Variants in ZNF708 observed in about 807,000 individuals in gnomAD.
ZNF708 encodes the protein zinc finger protein 708, also known as ZNF15, ZNF15L1.
Under a neutral mutation model 47.0 loss-of-function variants are expected in ZNF708, and 44 were observed. The ratio of observed to expected loss-of-function variants is 0.94; its 90% CI spans 0.74 to 1.20. The LOEUF (loss-of-function observed/expected upper bound fraction) is 1.20. Ranked by LOEUF, ZNF708 falls within the 50% of genes most tolerant of loss-of-function variation. ZNF708 has a pLI of 0.00. For synonymous variants in ZNF708, 184 were observed against 218.5 expected, an observed-to-expected ratio of 0.84 and a Z score of 1.39; for missense variants, 557 against 656.0, an observed-to-expected ratio of 0.85 and a Z score of 1.65.
At chr19:21,317,759 T>C (rs1973045288) in intron 1 of ZNF708, among the ~76,000 whole-genome samples, 1 of 152,202 alleles carries the variant, frequency 6.6e-6, no homozygotes, top group Admixed American at 6.5e-5. Flanking sequence ...CATACAGAGC[T>C]CATCCTAAAT....
chr19:21,317,741 C>T (rs959795479), intron 1 of ZNF708, among the ~76,000 whole-genome samples: 1 of 152,212 alleles, frequency 6.6e-6, no homozygotes, highest in Non-Finnish European at 1.5e-5. Context: ...GAATTTACAG[C>T]ACCATGTCAT....
At chr19:21,324,998 C>T (rs1056855528) in intron 1 of ZNF708, among the ~76,000 whole-genome samples, 3 of 152,034 alleles carry the variant, frequency 2.0e-5, no homozygotes, top group Admixed American at 6.6e-5. Context: ...CATTCTTAAA[C>T]AGCCTTGAAA....
intron 2 of ZNF708, 116 bp from the exon 3 acceptor site, chr19:21,309,457 C>T: frequency 9.8e-7 from 1 of 1,020,614 alleles, no homozygotes; most frequent in East Asian, 3.9e-5. Flanking sequence ...CTGGTAATCC[C>T]AGCACTCTGA....
At chr19:21,327,589 C>T (rs8109918) in intron 1 of ZNF708, among the ~76,000 whole-genome samples, 1 of 151,874 alleles carries the variant, frequency 6.6e-6, no homozygotes, top group Non-Finnish European at 1.5e-5. Flanking sequence ...TATTCACCCA[C>T]CCCATTCTGC....
At position 21,292,945 on chromosome 19, in the gene ZNF708, G is replaced by A. The variant is rs544370999; in HGVS notation, c.*329C>T. On this transcript the variant is annotated 3_prime_UTR_variant, in exon 4 of 4. Coordinates refer to ENST00000356929, the MANE Select transcript of ZNF708 (RefSeq NM_021269.3). ...ATTTAAAGATTTTGTCACATTTTTC[G>A]CATTTTTAAAGTTCCTCACCAGTAT... 62 of 201,352 alleles carry A rather than the reference G, an allele frequency of 3.1e-4. No homozygotes were observed. The highest frequency in any genetic ancestry group is 1.4e-3 in the African/African-American group (58 of 42,636). 12.5% of individuals were successfully genotyped at this position (201,352 alleles called of 1,614,324 possible). A position where few individuals can be genotyped will look rare whatever the true frequency, so the allele number is the denominator to read the frequency against.
intron 3 of ZNF708, among the ~76,000 whole-genome samples, chr19:21,301,172 T>C (rs1458983869): frequency 6.6e-6 from 1 of 152,050 alleles, no homozygotes; most frequent in African/African-American, 2.4e-5. Context: ...TATGAGGACA[T>C]TTCAAGATAA....
chr19:21,312,757 A>G (rs1972925092), intron 1 of ZNF708, among the ~76,000 whole-genome samples: 1 of 151,886 alleles, frequency 6.6e-6, no homozygotes, highest in Non-Finnish European at 1.5e-5. Flanking sequence ...GCTCATTATT[A>G]GCAGTAGTTA....
At chr19:21,295,348 A>G (rs937073455) in intron 3 of ZNF708, among the ~76,000 whole-genome samples, 1 of 152,214 alleles carries the variant, frequency 6.6e-6, no homozygotes, top group Admixed American at 6.6e-5. Context: ...AAAGCCCACA[A>G]AATTTCAGAC....
At chr19:21,302,828 T>C (rs1434847796) in intron 3 of ZNF708, among the ~76,000 whole-genome samples, 3 of 151,708 alleles carry the variant, frequency 2.0e-5, no homozygotes, top group Admixed American at 6.6e-5. Context: ...CCAAAGCATA[T>C]CACTACATAG....
At chr19:21,327,097 T>A (rs892227570) in intron 1 of ZNF708, among the ~76,000 whole-genome samples, 4 of 152,194 alleles carry the variant, frequency 2.6e-5, no homozygotes, top group South Asian at 4.1e-4. Flanking sequence ...CCACCTCTTT[T>A]ATGCCCTCTG....
At chr19:21,306,005 T>C (rs1047557039) in intron 3 of ZNF708, among the ~76,000 whole-genome samples, 21 of 152,274 alleles carry the variant, frequency 1.4e-4, no homozygotes, top group Middle Eastern at 3.4e-3. Context: ...CTTCAAAAAA[T>C]ATTGTTGAAA....
chr19:21,329,081 C>T (rs1599696743), intron 1 of ZNF708, 129 bp downstream of exon 1: 3 of 1,402,024 alleles, frequency 2.1e-6, no homozygotes, highest in Non-Finnish European at 3.0e-6. Flanking sequence ...TGAGGCCGAG[C>T]TAGGCAAGGA....
intron 3 of ZNF708, among the ~76,000 whole-genome samples, chr19:21,298,614 G>A (rs1972592540): frequency 6.6e-6 from 1 of 151,960 alleles, no homozygotes; most frequent in South Asian, 2.1e-4. Context: ...CAATGTTAGA[G>A]GTATCACAGT....
chr19:21,326,618 G>A (rs1973260622), intron 1 of ZNF708, among the ~76,000 whole-genome samples: 1 of 152,152 alleles, frequency 6.6e-6, no homozygotes, highest in Non-Finnish European at 1.5e-5. Context: ...ATAATGCTCT[G>A]GTGATGGGTG....
chr19:21,293,890 G>A lies in ZNF708; in HGVS notation c.1076C>T (p.Thr359Ile). ...STLTKHKIIH[T>I]EEKPYKCEEC... ...TTCACATTTGTAGGGTTTCTCTTCA[G>A]TATGAATTATCTTATGTTTAGTAAG... The change falls in exon 4 of 4, where the codon ACT (threonine) becomes ATT (isoleucine). Residue 359 changes from threonine to isoleucine, a missense_variant. By Grantham distance (89) the Thr-to-Ile change is moderately conservative (BLOSUM62 -1). Transcript: ENST00000356929. 6.2e-7 allele frequency: 1 copy of A among 1,613,434 alleles called. No homozygotes were observed. The highest frequency in any genetic ancestry group is 8.5e-7 in the Non-Finnish European group (1 of 1,179,798).
chr19:21,311,589 A>T (rs149195489), intron 1 of ZNF708, among the ~76,000 whole-genome samples: 374 of 152,214 alleles, frequency 2.5e-3, no homozygotes, highest in African/African-American at 8.7e-3. Context: ...TTAATTTTTA[A>T]TAATGATTTT....
intron 2 of ZNF708, 42 bp from the exon 3 acceptor site, chr19:21,309,383 C>A (rs1351590690): frequency 6.7e-7 from 1 of 1,493,242 alleles, no homozygotes; most frequent in East Asian, 2.7e-5. Flanking sequence ...TGCTCATATT[C>A]TCCAATTACC....
In ZNF708 at chr19:21,324,242, C is replaced by T. The variant is rs879476769; in HGVS notation, c.3+4968G>A. Among the ~76,000 whole-genome samples, 20 of 148,550 alleles carry T rather than the reference C, an allele frequency of 1.3e-4. No individual in the cohort carries two copies. The South Asian group carries it at 2.6e-3, about 19-fold the overall frequency. On this transcript the variant is annotated intron_variant, in intron 1 of 3. Coordinates refer to ENST00000356929, the MANE Select transcript of ZNF708 (RefSeq NM_021269.3). ...CTGGCTACAGAGCAAGACTCCGTCT[C>T]AAAAAAAAATAAACTTAAGTGTTTA...
At chr19:21,297,262 ATATATATATTTTTTTTTTTTTTT>A (rs1170719273) in intron 3 of ZNF708, among the ~76,000 whole-genome samples, 12 of 14,140 alleles carry the variant, frequency 8.5e-4, no homozygotes, top group African/African-American at 1.6e-3. Flanking sequence ...ATATATATAT[ATATATATATTTTTTTTTTTTTTT>A]TTTTTTTTTT....
Sources: gnomAD v4.1 joint callset for allele counts (sites outside exome capture counted in the v4.1 genomes callset) on GRCh38, gnomAD v4.1.1 for gene constraint, MANE v1.5 for transcripts, NCBI Gene and HGNC (gene_info 2026-07-23, HGNC 2026-07-21) for gene names.